Variants in LRIG3 observed in about 807,000 individuals in gnomAD.
LRIG3 encodes the protein leucine-rich repeats and immunoglobulin-like domains protein 3.
Under a neutral mutation model 114.5 loss-of-function variants are expected in LRIG3, and 76 were observed. The observed-to-expected ratio is 0.66, with a 90% CI of 0.55 to 0.80. LRIG3 has a LOEUF of 0.80. Among genes scored for constraint, LRIG3 ranks in the 30% least tolerant of loss-of-function variants. The pLI is 0.00. For synonymous variants in LRIG3, 512 were observed against 519.8 expected (o/e 0.98, Z 0.20); for missense variants, 1,239 against 1,382.8 (o/e 0.90, Z 1.65).
At chr12:58,885,796 T>C (rs1314085640) in intron 10 of LRIG3, 35 bp downstream of exon 10, 1 of 1,420,538 alleles carries the variant, frequency 7.0e-7, no homozygotes, top group Non-Finnish European at 9.6e-7. Flanking sequence ...ATCTTAGAGA[T>C]TCTCTTTTAG....
Position 58,876,463 on chromosome 12 carries a change from G to GT in LRIG3, c.2676dup (p.Pro893ThrfsTer4), listed in dbSNP as rs781150585. The stretch of plus-strand genomic sequence containing the variant: ...CACTTACCACTACTGTCATGTTGTG[G>GT]TAAGAAAAATCCAGCACCTGAAGAT... On this transcript the variant is annotated frameshift_variant, in exon 16 of 19. Coordinates refer to ENST00000320743, the MANE Select transcript of LRIG3 (RefSeq NM_153377.5). LOFTEE classifies it high-confidence loss of function. 6.2e-7 allele frequency: 1 copy of GT among 1,614,026 alleles called. No individual in the cohort carries two copies. The highest frequency in any genetic ancestry group is 8.5e-7 in the Non-Finnish European group (1 of 1,179,974).
Position 58,887,157 on chromosome 12 carries a change from G to A in LRIG3, c.1092-267C>T, listed in dbSNP as rs1871302971. 1.4e-5 allele frequency: 5 copies of A among 367,498 alleles called. No individual in the cohort carries two copies. The South Asian group carries it at 2.6e-4, about 19-fold the overall frequency. 22.8% of individuals were successfully genotyped at this position (367,498 alleles called of 1,614,324 possible). On this transcript the variant is annotated intron_variant, in intron 8 of 18. Coordinates refer to ENST00000320743, the MANE Select transcript of LRIG3 (RefSeq NM_153377.5). ...CTATCAAAATGACTACATTCTGAAT[G>A]ATCCGAACAGTCTGAAAAATACATT...
At chr12:58,905,192 T>C (rs1387578160) in intron 3 of LRIG3, among the ~76,000 whole-genome samples, 2 of 152,116 alleles carry the variant, frequency 1.3e-5, no homozygotes, top group African/African-American at 4.8e-5. Context: ...ATGGGAACTG[T>C]TGAAGGGTTT....
chr12:58,905,037 A>C (rs182479736), intron 3 of LRIG3, among the ~76,000 whole-genome samples: 20 of 152,338 alleles, frequency 1.3e-4, no homozygotes, highest in Admixed American at 7.2e-4. Flanking sequence ...GGAAATACGT[A>C]TGCAAAAGAA....
At chr12:58,897,545 A>G (rs1489858921) in intron 3 of LRIG3, among the ~76,000 whole-genome samples, 6 of 152,220 alleles carry the variant, frequency 3.9e-5, no homozygotes, top group African/African-American at 1.4e-4. Flanking sequence ...AGGAGTTCAA[A>G]TCCAGCCTGA....
intron 13 of LRIG3, among the ~76,000 whole-genome samples, chr12:58,879,938 G>A (rs150510325): frequency 2.0e-4 from 30 of 152,310 alleles, no homozygotes; most frequent in Non-Finnish European, 4.4e-5. Flanking sequence ...TAAAGGCAGT[G>A]TGCATCCAGC....
At chr12:58,884,171 GCTCA>G (rs1332008766) in intron 10 of LRIG3, among the ~76,000 whole-genome samples, 1 of 152,152 alleles carries the variant, frequency 6.6e-6, no homozygotes, top group African/African-American at 2.4e-5. Flanking sequence ...GTCACCCACA[GCTCA>G]CTAACATAAA....
chr12:58,911,658 C>T (rs958441351), intron 3 of LRIG3, among the ~76,000 whole-genome samples: 2 of 151,258 alleles, frequency 1.3e-5, no homozygotes, highest in Non-Finnish European at 3.0e-5. Context: ...TGTTATATAA[C>T]TTAACAGATT....
At chr12:58,901,195 GACA>G (rs1871835832) in intron 3 of LRIG3, among the ~76,000 whole-genome samples, 1 of 152,188 alleles carries the variant, frequency 6.6e-6, no homozygotes, top group Non-Finnish European at 1.5e-5. Flanking sequence ...TATGAAAAGT[GACA>G]ACAAGCTTAC....
chr12:58,902,691 T>C (rs1422746754), intron 3 of LRIG3, among the ~76,000 whole-genome samples: 4 of 151,514 alleles, frequency 2.6e-5, no homozygotes, highest in Non-Finnish European at 5.9e-5. Flanking sequence ...TTAGCATTAG[T>C]TATATCTCCT....
intron 3 of LRIG3, among the ~76,000 whole-genome samples, chr12:58,894,504 T>TAAA: frequency 6.6e-6 from 1 of 152,048 alleles, no homozygotes; most frequent in East Asian, 1.9e-4. Context: ...AAAGCTAGAT[T>TAAA]AAAAAATCTT....
chr12:58,918,207 A>T (rs1291440558), intron 1 of LRIG3, among the ~76,000 whole-genome samples: 1 of 152,218 alleles, frequency 6.6e-6, no homozygotes, highest in African/African-American at 2.4e-5. Flanking sequence ...GTGGGCTAGT[A>T]TTGAGACAAT....
chr12:58,918,266 C>G (rs534719893), intron 1 of LRIG3, among the ~76,000 whole-genome samples: 1 of 152,302 alleles, frequency 6.6e-6, no homozygotes, highest in South Asian at 2.1e-4. Context: ...CAAATAAACT[C>G]TAATTTGTTT....
chr12:58,899,876 C>T (rs1166124220), intron 3 of LRIG3, among the ~76,000 whole-genome samples: 1 of 152,114 alleles, frequency 6.6e-6, no homozygotes, highest in Non-Finnish European at 1.5e-5. Flanking sequence ...TGAATCTTCT[C>T]CCAAATTCTC....
intron 3 of LRIG3, among the ~76,000 whole-genome samples, chr12:58,907,466 C>T (rs1872108385): frequency 6.6e-6 from 1 of 152,160 alleles, no homozygotes; most frequent in African/African-American, 2.4e-5. Flanking sequence ...GTTTCTAAAT[C>T]CTGCATTCCT....
intron 3 of LRIG3, among the ~76,000 whole-genome samples, chr12:58,906,910 G>A (rs573791116): frequency 1.3e-5 from 2 of 150,552 alleles, no homozygotes; most frequent in African/African-American, 4.9e-5. Flanking sequence ...AAGGAGAAAA[G>A]TAGATTCTTT....
rs1049524521 is a variant in LRIG3, at chr12:58,877,674, A to G, written c.2262T>C (p.Ile754=). The G allele has an allele frequency of 3.7e-6, 6 of 1,614,042 alleles. No homozygotes were observed. The highest frequency in any genetic ancestry group is 3.3e-5 in the Admixed American group (2 of 60,006). The change falls in exon 15 of 19, where the codon ATT becomes ATC. Residue 754 remains isoleucine, a synonymous_variant. Transcript: ENST00000320743. ...FFAAGNQLLI[I]VDSDVSDAGK... is the part of the protein sequence containing the mutation. Reference sequence around the variant, plus strand: ...CAGCATCACTGACATCTGAGTCCACAATAATCAGAAGCTGATTGCCTGCTG... The same window carrying G: ...CAGCATCACTGACATCTGAGTCCACGATAATCAGAAGCTGATTGCCTGCTG...
In LRIG3 at chr12:58,877,807, T is replaced by C. The variant is rs758596016; in HGVS notation, c.2129A>G (p.Lys710Arg). 2.5e-6 allele frequency: 4 copies of C among 1,613,904 alleles called. No individual in the cohort carries two copies. Among genetic ancestry groups the C allele is most frequent in the Non-Finnish European group, 3.4e-6 (4 of 1,179,770 alleles). Residue 710 changes from lysine (K) to arginine (R), a missense_variant, in exon 15 of 19, where the codon AAG (lysine) becomes AGG (arginine). Transcript: ENST00000320743. ...LRPLLDRTVT[K>R]GETAVLQCIA... ...GCACTGTAGGACGGCTGTTTCTCCC[T>C]TGGTTACAGTTCGGTCCAACAGTGG...
At chr12:58,886,366 G>A (rs953119566) in intron 9 of LRIG3, among the ~76,000 whole-genome samples, 1 of 151,744 alleles carries the variant, frequency 6.6e-6, no homozygotes, top group Non-Finnish European at 1.5e-5. Flanking sequence ...ACCATTTTAT[G>A]GTTAATTATA....
Sources: allele counts gnomAD v4.1 joint callset (sites outside exome capture counted in the v4.1 genomes callset), GRCh38; gene constraint gnomAD v4.1.1; transcripts MANE v1.5; gene names NCBI Gene and HGNC (gene_info 2026-07-23, HGNC 2026-07-21).